SSH2: variants seen among roughly 807,000 people sequenced by gnomAD.
SSH2 encodes the protein protein phosphatase Slingshot homolog 2.
SSH2 carries 37 observed loss-of-function variants against 135.2 expected under a neutral mutation model. The observed-to-expected ratio is 0.27, with a 90% CI of 0.21 to 0.36. SSH2 has a LOEUF of 0.36. SSH2 is among the 10% of genes least tolerant of loss of function. SSH2 has a pLI of 1.00. For synonymous variants in SSH2, 628 were observed against 646.2 expected, an observed-to-expected ratio of 0.97 and a Z score of 0.43; for missense variants, 1,408 against 1,765.3, an observed-to-expected ratio of 0.80 and a Z score of 3.63.
At chr17:29,633,245 T>TA (rs1256731753) in intron 15 of SSH2, among the ~76,000 whole-genome samples, 1 of 152,214 alleles carries the variant, frequency 6.6e-6, no homozygotes. Context: ...TGGAGGCTCC[T>TA]ATAATCTATA....
At chr17:29,883,696 TCTC>T (rs1472233670) in intron 1 of SSH2, among the ~76,000 whole-genome samples, 10 of 152,162 alleles carry the variant, frequency 6.6e-5, no homozygotes, top group Non-Finnish European at 1.5e-4. Flanking sequence ...CAGCCTAACT[TCTC>T]CTGTTCCAGA....
chr17:29,909,471 G>C (rs961128456), intron 1 of SSH2, among the ~76,000 whole-genome samples: 1 of 152,088 alleles, frequency 6.6e-6, no homozygotes, highest in Non-Finnish European at 1.5e-5. Context: ...TCAAGGGGCA[G>C]TAAAAGAAAA....
At chr17:29,850,396 A>G (rs1462506739) in intron 1 of SSH2, among the ~76,000 whole-genome samples, 1 of 152,148 alleles carries the variant, frequency 6.6e-6, no homozygotes, top group Non-Finnish European at 1.5e-5. Context: ...GAAACTTATA[A>G]CTACTTCATG....
intron 1 of SSH2, among the ~76,000 whole-genome samples, chr17:29,917,197 T>C (rs2066897786): frequency 6.6e-6 from 1 of 152,010 alleles, no homozygotes; most frequent in African/African-American, 2.4e-5. Context: ...ATAATAATCA[T>C]TCAGTAGAAA....
intron 3 of SSH2, among the ~76,000 whole-genome samples, chr17:29,774,391 A>G (rs2151277189): frequency 6.6e-6 from 1 of 152,128 alleles, no homozygotes; most frequent in African/African-American, 2.4e-5. Context: ...CAGCCTCCCA[A>G]GTAGCTGGGA....
intron 11 of SSH2, among the ~76,000 whole-genome samples, chr17:29,664,672 TA>T (rs1317054557): frequency 1.3e-5 from 2 of 152,034 alleles, no homozygotes; most frequent in Non-Finnish European, 2.9e-5. Context: ...ATTATTTTTT[TA>T]ATAAGAAAAA....
intron 6 of SSH2, among the ~76,000 whole-genome samples, 164 bp downstream of exon 6, chr17:29,684,399 C>T (rs2038116101): frequency 2.0e-5 from 3 of 151,432 alleles, no homozygotes; most frequent in Admixed American, 2.0e-4. Context: ...ATCGCTTGAA[C>T]CCGGGAGGCG....
chr17:29,736,816 T>A (rs112441373), intron 3 of SSH2, among the ~76,000 whole-genome samples: 4,412 of 54,184 alleles, frequency 0.081, 291 homozygotes, highest in African/African-American at 0.26. Context: ...AAAAAAAAAA[T>A]GGGCCGGGCA....
At chr17:29,777,065 A>T (rs2041718757) in intron 3 of SSH2, among the ~76,000 whole-genome samples, 1 of 151,870 alleles carries the variant, frequency 6.6e-6, no homozygotes, top group African/African-American at 2.4e-5. Flanking sequence ...TACAAAAATC[A>T]GCTGGGCATG....
intron 3 of SSH2, chr17:29,761,556 G>A: frequency 6.6e-6 from 3 of 452,674 alleles, no homozygotes; most frequent in Non-Finnish European, 8.7e-6. Context: ...CGCGGATCCC[G>A]CAGCGCGCGT....
At position 29,630,862 on chromosome 17, in the gene SSH2, G is replaced by A; in HGVS notation, c.4332C>T (p.Asn1444=). 6.4e-7 allele frequency: 1 copy of A among 1,561,220 alleles called. No individual in the cohort carries two copies. Among genetic ancestry groups the A allele is most frequent in the Non-Finnish European group, 8.7e-7 (1 of 1,149,568 alleles). ...AGAATCACATGGTATTATAGAAGGG[G>A]TTGGTTGTCCGTTTTTTGTCATTTG... The part of the protein sequence containing the change: ...KKANDKKRTT[N]PFYNTM The change falls in exon 16 of 16, where the codon AAC becomes AAT. Residue 1444 remains asparagine (N), a synonymous_variant. Transcript: ENST00000540801.
At chr17:29,718,784 A>T (rs1350275590) in intron 3 of SSH2, among the ~76,000 whole-genome samples, 2 of 150,622 alleles carry the variant, frequency 1.3e-5, no homozygotes, top group African/African-American at 4.9e-5. Context: ...TGAAGCCTAG[A>T]CTGGGACTGG....
intron 5 of SSH2, among the ~76,000 whole-genome samples, chr17:29,688,362 C>T (rs1044705365): frequency 2.0e-5 from 3 of 152,164 alleles, no homozygotes; most frequent in African/African-American, 7.2e-5. Context: ...AAATGTTTGG[C>T]TCTCCCTTGC....
At chr17:29,684,492 A>G (rs1482985104) in intron 6 of SSH2, 71 bp downstream of exon 6, 3 of 1,427,242 alleles carry the variant, frequency 2.1e-6, no homozygotes, top group Non-Finnish European at 2.8e-6. Context: ...TTAAAAAAAA[A>G]AAAAAAAAAA....
chr17:29,816,712 A>C (rs2042566074), intron 2 of SSH2, among the ~76,000 whole-genome samples: 2 of 151,714 alleles, frequency 1.3e-5, no homozygotes, highest in Non-Finnish European at 2.9e-5. Flanking sequence ...AAAAAAAAAA[A>C]CTCAAAGCCT....
intron 3 of SSH2, among the ~76,000 whole-genome samples, chr17:29,742,481 G>GTTTTTTT (rs35446491): frequency 6.6e-5 from 6 of 90,638 alleles, no homozygotes; most frequent in Admixed American, 1.3e-4. Flanking sequence ...ACCACACCCA[G>GTTTTTTT]TTTTTTTTTT....
intron 12 of SSH2, among the ~76,000 whole-genome samples, chr17:29,651,427 C>T (rs187805240): frequency 1.3e-5 from 2 of 152,306 alleles, no homozygotes; most frequent in South Asian, 2.1e-4. Flanking sequence ...GCTATGGCAT[C>T]GATGTATCCG....
intron 2 of SSH2, among the ~76,000 whole-genome samples, chr17:29,835,131 C>T (rs1023199668): frequency 1.1e-4 from 16 of 152,120 alleles, no homozygotes; most frequent in Non-Finnish European, 2.1e-4. Flanking sequence ...AACAGAAATT[C>T]CCACTAGGCA....
chr17:29,715,138 A>T (rs912038749), intron 3 of SSH2, among the ~76,000 whole-genome samples: 5 of 152,078 alleles, frequency 3.3e-5, no homozygotes, highest in African/African-American at 1.2e-4. Context: ...AAGTGCTGGG[A>T]TTACAGACGT....
Sources: gnomAD v4.1 joint callset for allele counts (sites outside exome capture counted in the v4.1 genomes callset) on GRCh38, gnomAD v4.1.1 for gene constraint, MANE v1.5 for transcripts, NCBI Gene and HGNC (gene_info 2026-07-23, HGNC 2026-07-21) for gene names.